GABRA3: variants seen among roughly 807,000 people sequenced by gnomAD.
GABRA3 encodes gamma-aminobutyric acid receptor subunit alpha-3.
In GABRA3, 10 loss-of-function variants were observed where a neutral mutation model predicts 30.1. That is an observed-to-expected ratio of 0.33 (90% confidence interval 0.20 to 0.56). GABRA3 has a LOEUF of 0.56. Ranked by LOEUF, GABRA3 falls within the 20% of genes least tolerant of loss-of-function variation. GABRA3 has a pLI of 0.89. For synonymous variants in GABRA3, 151 were observed against 146.8 expected (o/e 1.03, Z -0.21); for missense variants, 233 against 392.0 (o/e 0.59, Z 3.42).
intron 5 of GABRA3, among the ~76,000 whole-genome samples, chrX:152,252,402 T>C (rs755023491): frequency 2.1e-4 from 24 of 111,688 alleles, no homozygotes; most frequent in Non-Finnish European, 3.8e-4. Flanking sequence ...ATATTAATAA[T>C]GCTGGCTCAA....
intron 3 of GABRA3, among the ~76,000 whole-genome samples, chrX:152,292,212 C>A (rs770276574): frequency 1.8e-5 from 2 of 111,599 alleles, no homozygotes; most frequent in South Asian, 7.5e-4. Flanking sequence ...TTGGTCTATT[C>A]AGAGATTCAA....
chrX:152,182,546 A>G (rs1214996659), intron 9 of GABRA3, among the ~76,000 whole-genome samples: 1 of 80,208 alleles, frequency 1.2e-5, no homozygotes, highest in East Asian at 4.0e-4. Flanking sequence ...TATATAGTGT[A>G]TATATACACT....
At chrX:152,185,340 G>A (rs1937238594) in intron 9 of GABRA3, among the ~76,000 whole-genome samples, 2 of 111,322 alleles carry the variant, frequency 1.8e-5, no homozygotes, top group African/African-American at 6.5e-5. Flanking sequence ...GAGGAAGACT[G>A]AGATCACTAT....
rs1488245972 is a variant in GABRA3, at chrX:152,385,812, G to A, written c.-26-21216C>T. On this transcript the variant is annotated intron_variant, in intron 1 of 9. Coordinates refer to ENST00000370314, the MANE Select transcript of GABRA3 (RefSeq NM_000808.4). ...ATCCAGTTTCAGCTTTCTACATATGGCTAGCCAGTTTTCCCAGCACCATTT... is the reference window on the plus strand; with the variant it reads ...ATCCAGTTTCAGCTTTCTACATATGACTAGCCAGTTTTCCCAGCACCATTT... Among the ~76,000 whole-genome samples, 7 of 111,305 alleles carry A rather than the reference G, an allele frequency of 6.3e-5. No homozygotes were observed. In the East Asian group the frequency reaches 2.0e-3, roughly 31 times the overall value.
intron 8 of GABRA3, among the ~76,000 whole-genome samples, chrX:152,190,666 C>T (rs1477927228): frequency 9.1e-6 from 1 of 110,379 alleles, no homozygotes; most frequent in African/African-American, 3.3e-5. Flanking sequence ...GTAGCTGCGT[C>T]ACACACTAGG....
intron 1 of GABRA3, among the ~76,000 whole-genome samples, chrX:152,436,243 T>C (rs192427828): frequency 8.9e-6 from 1 of 112,191 alleles, no homozygotes; most frequent in Admixed American, 9.5e-5. Context: ...TCAAAAATAA[T>C]TTTTAAATGA....
intron 2 of GABRA3, among the ~76,000 whole-genome samples, chrX:152,351,028 C>T (rs1052572659): frequency 1.8e-4 from 20 of 111,665 alleles, no homozygotes; most frequent in African/African-American, 6.2e-4. Flanking sequence ...TTCGGTAAAC[C>T]GTGCTATAAA....
chrX:152,246,277 A>C (rs1402540460), intron 5 of GABRA3, among the ~76,000 whole-genome samples: 2 of 112,081 alleles, frequency 1.8e-5, no homozygotes, highest in Non-Finnish European at 3.8e-5. Flanking sequence ...ACTTTTAAAC[A>C]GACTCAATTT....
At chrX:152,390,458 C>T (rs1929447447) in intron 1 of GABRA3, among the ~76,000 whole-genome samples, 1 of 112,362 alleles carries the variant, frequency 8.9e-6, no homozygotes, top group South Asian at 3.7e-4. Context: ...TATGGTGATG[C>T]ACATACAAGT....
intron 9 of GABRA3, among the ~76,000 whole-genome samples, chrX:152,175,315 C>T (rs1937059447): frequency 9.2e-6 from 1 of 108,704 alleles, no homozygotes; most frequent in Non-Finnish European, 1.9e-5. Flanking sequence ...GTCAAGAGTG[C>T]TGGTGAGTGA....
At chrX:152,322,318 C>T (rs1011549401) in intron 3 of GABRA3, among the ~76,000 whole-genome samples, 1 of 111,124 alleles carries the variant, frequency 9.0e-6, no homozygotes, top group Admixed American at 9.6e-5. Context: ...TTCATGGTTG[C>T]CAGGGGCTGA....
At chrX:152,325,079 C>T (rs1345903998) in intron 3 of GABRA3, among the ~76,000 whole-genome samples, 1 of 111,169 alleles carries the variant, frequency 9.0e-6, no homozygotes, top group Non-Finnish European at 1.9e-5. Context: ...AGATAACACA[C>T]CTTAGGCTGG....
intron 4 of GABRA3, among the ~76,000 whole-genome samples, chrX:152,274,751 A>G (rs945998080): frequency 2.7e-5 from 3 of 109,939 alleles, no homozygotes; most frequent in Non-Finnish European, 5.7e-5. Flanking sequence ...CAGGAAACCA[A>G]AAGGACCACA....
chrX:152,381,778 C>T (rs764851659), intron 1 of GABRA3, among the ~76,000 whole-genome samples: 16 of 110,285 alleles, frequency 1.5e-4, no homozygotes, highest in African/African-American at 5.3e-4. Flanking sequence ...TCAACTCCCA[C>T]TTATGAGTGA....
At chrX:152,199,330 C>T (rs1394761482) in intron 7 of GABRA3, among the ~76,000 whole-genome samples, 3 of 103,377 alleles carry the variant, frequency 2.9e-5, no homozygotes, top group Admixed American at 1.0e-4. Flanking sequence ...CGTGCCACTG[C>T]ACTCCAGCCT....
chrX:152,322,874 G>A lies in GABRA3; in HGVS notation c.262+22707C>T, dbSNP rs1293158522. On this transcript the variant is annotated intron_variant, in intron 3 of 9. Coordinates refer to ENST00000370314, the MANE Select transcript of GABRA3 (RefSeq NM_000808.4). ...TTTTTTTTTTTTTTTTTTTTTTTGA[G>A]ACAAAGTCTTGCTCTGTCACCAGGC... 2.4e-3 allele frequency among the ~76,000 whole-genome samples: 115 copies of A among 47,795 alleles called. 2 individuals carry two copies. Among genetic ancestry groups the A allele is most frequent in the Non-Finnish European group, 3.5e-3 (101 of 28,945 alleles). 41.5% of individuals were successfully genotyped at this position (47,795 alleles called of 115,157 possible). A position where few individuals can be genotyped will look rare whatever the true frequency, so the allele number is the denominator to read the frequency against.
At chrX:152,433,121 G>C (rs1484261607) in intron 1 of GABRA3, among the ~76,000 whole-genome samples, 1 of 110,790 alleles carries the variant, frequency 9.0e-6, no homozygotes, top group African/African-American at 3.3e-5. Context: ...TAGCAAATTA[G>C]AAATACAATG....
At chrX:152,316,695 G>A (rs773785093) in intron 3 of GABRA3, among the ~76,000 whole-genome samples, 4 of 111,957 alleles carry the variant, frequency 3.6e-5, no homozygotes, top group Non-Finnish European at 5.6e-5. Context: ...AAGGATTGGG[G>A]CCCTCGCTTC....
At chrX:152,273,851 T>A (rs1287144179) in intron 4 of GABRA3, among the ~76,000 whole-genome samples, 1 of 111,564 alleles carries the variant, frequency 9.0e-6, no homozygotes, top group Non-Finnish European at 1.9e-5. Flanking sequence ...CACTGAACTG[T>A]ACACTCAAAA....
Sources: allele counts gnomAD v4.1 joint callset (sites outside exome capture counted in the v4.1 genomes callset), GRCh38; gene constraint gnomAD v4.1.1; transcripts MANE v1.5; gene names NCBI Gene and HGNC (gene_info 2026-07-23, HGNC 2026-07-21).